The following ASAP3 variants were observed in gnomAD, a reference collection of about 807,000 sequenced individuals.
ASAP3 encodes the protein arf-GAP with SH3 domain, ANK repeat and PH domain-containing protein 3.
A neutral mutation model predicts 118.2 loss-of-function variants in ASAP3; 85 were observed. That is an observed-to-expected ratio of 0.72 (90% confidence interval 0.60 to 0.86). The LOEUF (loss-of-function observed/expected upper bound fraction) is 0.86. Ranked by LOEUF, ASAP3 falls within the 40% of genes least tolerant of loss-of-function variation. ASAP3 has a pLI of 0.00. For missense variants in ASAP3, 1,026 were observed against 1,175.0 expected (o/e 0.87, Z 1.85); for synonymous variants, 432 against 477.4 (o/e 0.90, Z 1.24).
chr1:23,433,680 G>A lies in ASAP3; in HGVS notation c.1965C>T (p.Gly655=), dbSNP rs745979137. 6.8e-6 allele frequency: 11 copies of A among 1,614,062 alleles called. No homozygotes were observed. The highest frequency in any genetic ancestry group is 6.7e-5 in the African/African-American group (5 of 74,928). Residue 655 remains glycine, a synonymous_variant, in exon 20 of 25, where the codon GGC becomes GGT. Coordinates refer to ENST00000336689, the MANE Select transcript of ASAP3 (RefSeq NM_017707.4). Reference sequence around the variant, plus strand: ...TCCTGGCTATGTCCAGAGCTGTCTCGCCTGCTTCATTTACTGTGAGCGGGG... The same window carrying A: ...TCCTGGCTATGTCCAGAGCTGTCTCACCTGCTTCATTTACTGTGAGCGGGG... ...RALVGTVNEA[G]ETALDIARKK...
At chr1:23,430,259 C>A (rs764559884) in intron 24 of ASAP3, among the ~76,000 whole-genome samples, 1 of 152,164 alleles carries the variant, frequency 6.6e-6, no homozygotes, top group Non-Finnish European at 1.5e-5. Flanking sequence ...GATGACGATT[C>A]CCCAGACAGA....
At chr1:23,464,665 A>T (rs1300686163) in intron 1 of ASAP3, among the ~76,000 whole-genome samples, 4 of 24,092 alleles carry the variant, frequency 1.7e-4, no homozygotes, top group Non-Finnish European at 8.8e-4. Flanking sequence ...GTCTTAAAAA[A>T]AAAAAAAAAA....
chr1:23,431,770 C>A lies in ASAP3; in HGVS notation c.2472G>T (p.Glu824Asp). ...GGCTGGGTCTGGAGGTGCCTGGGGGCTCTCGGAGGCCCTCTTCAGAGTTGG... is the reference window on the plus strand; with the variant it reads ...GGCTGGGTCTGGAGGTGCCTGGGGGATCTCGGAGGCCCTCTTCAGAGTTGG... ...APPNSEEGLR[E>D]PPGTSRPSLT... The change falls in exon 23 of 25, where the codon GAG becomes GAT. Residue 824 changes from glutamate (E) to aspartate (D), a missense_variant. Physicochemically the swap from Glu to Asp is conservative, Grantham distance 45. Transcript: ENST00000336689. The A allele has an allele frequency of 6.5e-7, 1 of 1,527,148 alleles. No individual in the cohort carries two copies. Among genetic ancestry groups the A allele is most frequent in the African/African-American group, 1.4e-5 (1 of 70,670 alleles). 94.6% of individuals were successfully genotyped at this position (1,527,148 alleles called of 1,614,324 possible).
upstream of ASAP3, chr1:23,484,240 C>T (rs528918412): frequency 2.6e-4 from 276 of 1,073,064 alleles, no homozygotes; most frequent in African/African-American, 3.7e-3. Context: ...GGCCTCCACA[C>T]GCCCCGCCCC....
intron 1 of ASAP3, among the ~76,000 whole-genome samples, chr1:23,460,557 A>G (rs1641554288): frequency 6.6e-6 from 1 of 151,956 alleles, no homozygotes; most frequent in African/African-American, 2.4e-5. Flanking sequence ...ACACAAATAA[A>G]TAAATAAATA....
intron 7 of ASAP3, among the ~76,000 whole-genome samples, chr1:23,441,933 T>G (rs2148618029): frequency 6.6e-6 from 1 of 152,222 alleles, no homozygotes. Flanking sequence ...TCTTGGAAAA[T>G]AAGCCTCAGT....
At chr1:23,432,298 C>T (rs1400988166) in intron 22 of ASAP3, among the ~76,000 whole-genome samples, 1 of 152,214 alleles carries the variant, frequency 6.6e-6, no homozygotes, top group East Asian at 1.9e-4. Flanking sequence ...CGAGCCACCA[C>T]ATCTGGCCTA....
At position 23,481,760 on chromosome 1, in the gene ASAP3, A is replaced by T. The variant is rs533775309; in HGVS notation, c.129+2245T>A. Among the ~76,000 whole-genome samples, 48 of 152,348 alleles carry T rather than the reference A, an allele frequency of 3.2e-4. 1 individual carries two copies. Among genetic ancestry groups the T allele is most frequent in the Middle Eastern group, 3.4e-3 (1 of 294 alleles). On this transcript the variant is annotated intron_variant, in intron 1 of 24. Coordinates refer to ENST00000336689, the MANE Select transcript of ASAP3 (RefSeq NM_017707.4). ...CACTTACACAGCCAGGCAAGGCCAG[A>T]TGTATGGGCATAAATGGGCATTTCT... is the stretch of plus-strand genomic sequence containing the variant.
Position 23,438,779 on chromosome 1 carries a change from G to A in ASAP3, c.1070C>T (p.Pro357Leu), listed in dbSNP as rs947451884. ...TLLTCQVRPN[P>L]EEKKCFDLVT... Reference sequence around the variant, plus strand: ...CAGGTCGAAGCACTTTTTCTCCTCAGGGTTTGGCCTCACTTGGCACGTCAG... The same window carrying A: ...CAGGTCGAAGCACTTTTTCTCCTCAAGGTTTGGCCTCACTTGGCACGTCAG... The change falls in exon 12 of 25, where the codon CCT (proline) becomes CTT (leucine). Residue 357 changes from proline to leucine, a missense_variant. Coordinates refer to ENST00000336689, the MANE Select transcript of ASAP3 (RefSeq NM_017707.4). This position sits in a 1 kb window ranked among gnomAD's most constrained non-coding sequence, Gnocchi z 4.9. The A allele has an allele frequency of 9.3e-6, 15 of 1,614,076 alleles. No individual in the cohort carries two copies. Among genetic ancestry groups the A allele is most frequent in the Non-Finnish European group, 1.1e-5 (13 of 1,180,038 alleles).
At chr1:23,445,617 T>C (rs1641024472) in intron 5 of ASAP3, among the ~76,000 whole-genome samples, 1 of 152,084 alleles carries the variant, frequency 6.6e-6, no homozygotes, top group African/African-American at 2.4e-5. Context: ...TAAATGTCCA[T>C]CAGTAGGAAG....
rs1297800172 is a variant in ASAP3, at chr1:23,437,265, C to T, written c.1207G>A (p.Gly403Arg). ...GACCCCGGGCCAGCGCTGGGCTCCC[C>T]GAGGAAGGCGCTGCTCAGGGCTTCG... ...KDEALSSAFL[G>R]EPSAGPGSWG... The change falls in exon 14 of 25, where the codon GGG becomes AGG. Residue 403 changes from glycine (G) to arginine (R), a missense_variant. Gly to Arg is a moderately radical substitution (Grantham distance 125, BLOSUM62 -2). Transcript: ENST00000336689. The surrounding 1 kb of genome is among the most constrained non-coding windows in gnomAD (Gnocchi z 6.1). 6.3e-7 allele frequency: 1 copy of T among 1,595,774 alleles called. No individual in the cohort carries two copies. Among genetic ancestry groups the T allele is most frequent in the South Asian group, 1.1e-5 (1 of 89,208 alleles).
intron 3 of ASAP3, among the ~76,000 whole-genome samples, chr1:23,455,609 T>C (rs1174807777): frequency 6.6e-6 from 1 of 152,100 alleles, no homozygotes; most frequent in Non-Finnish European, 1.5e-5. Flanking sequence ...AACCCTCCCT[T>C]GCACGGGGCT....
At chr1:23,449,071 G>A (rs1641133588) in intron 5 of ASAP3, among the ~76,000 whole-genome samples, 1 of 151,972 alleles carries the variant, frequency 6.6e-6, no homozygotes, top group Non-Finnish European at 1.5e-5. Context: ...CTCAGAACAG[G>A]GACCATTTTA....
chr1:23,436,700 G>A lies in ASAP3; in HGVS notation c.1477-46C>T. 4 of 1,609,648 alleles carry A rather than the reference G, an allele frequency of 2.5e-6. No individual in the cohort carries two copies. Among genetic ancestry groups the A allele is most frequent in the Non-Finnish European group, 3.4e-6 (4 of 1,176,050 alleles). On this transcript the variant is annotated intron_variant, in intron 15 of 24. Coordinates refer to ENST00000336689, the MANE Select transcript of ASAP3 (RefSeq NM_017707.4). This position sits in a 1 kb window ranked among gnomAD's most constrained non-coding sequence, Gnocchi z 4.2. ...ACGTGGGGCGGAGTAAGACCGGGCGGTTAAGCCTGCATAGGGTGGAGCTCC... is the reference window on the plus strand; with the variant it reads ...ACGTGGGGCGGAGTAAGACCGGGCGATTAAGCCTGCATAGGGTGGAGCTCC...
At position 23,436,071 on chromosome 1, in the gene ASAP3, TGCCCAGCTGATCCCTGGG is replaced by T; in HGVS notation, c.1572-61_1572-44del. 6.2e-7 allele frequency: 1 copy of T among 1,604,558 alleles called. No individual in the cohort carries two copies. Among genetic ancestry groups the T allele is most frequent in the Non-Finnish European group, 8.5e-7 (1 of 1,172,018 alleles). ...AGGATCTCAGAGCATGGACCGTGTC[TGCCCAGCTGATCCCTGGG>T]GCCCTCCCACAGGAGATACAGCTCT... On this transcript the variant is annotated intron_variant, in intron 16 of 24. Coordinates refer to ENST00000336689, the MANE Select transcript of ASAP3 (RefSeq NM_017707.4). The surrounding 1 kb of genome is among the most constrained non-coding windows in gnomAD (Gnocchi z 4.2).
In ASAP3 at chr1:23,473,974, C is replaced by CTTTTTTTTTTTTTTT. The variant is rs10664798; in HGVS notation, c.129+10016_129+10030dup. ...AGGCGAAAATGGCATTAAATCTGCT[C>CTTTTTTTTTTTTTTT]TTTTTTTTTTTTTTTTTTTTTTTTG... is the stretch of plus-strand genomic sequence containing the variant. On this transcript the variant is annotated intron_variant, in intron 1 of 24. Coordinates refer to ENST00000336689, the MANE Select transcript of ASAP3 (RefSeq NM_017707.4). Among the ~76,000 whole-genome samples the CTTTTTTTTTTTTTTT allele has an allele frequency of 8.5e-4, 61 of 72,108 alleles. 8 individuals carry two copies. The highest frequency in any genetic ancestry group is 4.0e-3 in the African/African-American group (59 of 14,714). The allele number at this position is 72,108 out of a possible 152,430, so 47.3% of individuals were successfully genotyped here. A position where few individuals can be genotyped will look rare whatever the true frequency, so the allele number is the denominator to read the frequency against.
In ASAP3 at chr1:23,429,546, C is replaced by T. The variant is rs1558096175; in HGVS notation, c.*310G>A. On this transcript the variant is annotated 3_prime_UTR_variant, in exon 25 of 25. Transcript: ENST00000336689. ...CAGACTGACGGGGGAAATAGAGTCTCGATCTGATGAGGGACTGAGAGTTCT... is the reference window on the plus strand; with the variant it reads ...CAGACTGACGGGGGAAATAGAGTCTTGATCTGATGAGGGACTGAGAGTTCT... 4.3e-6 allele frequency: 1 copy of T among 231,618 alleles called. No individual in the cohort carries two copies. Among genetic ancestry groups the T allele is most frequent in the Non-Finnish European group, 8.5e-6 (1 of 118,152 alleles). 14.3% of individuals were successfully genotyped at this position (231,618 alleles called of 1,614,324 possible).
chr1:23,476,066 C>T (rs1468851337), intron 1 of ASAP3, among the ~76,000 whole-genome samples: 1 of 152,184 alleles, frequency 6.6e-6, no homozygotes, highest in Non-Finnish European at 1.5e-5. Flanking sequence ...AAATTTAAGG[C>T]CGGGCACAGT....
rs1403143732 is a variant in ASAP3, at chr1:23,438,670, G to GC, written c.1102+76dup. 3.7e-6 allele frequency: 5 copies of GC among 1,344,240 alleles called. No individual in the cohort carries two copies. The highest frequency in any genetic ancestry group is 2.1e-4 in the Middle Eastern group (1 of 4,862). 83.3% of individuals were successfully genotyped at this position (1,344,240 alleles called of 1,614,324 possible). ...AACTGGACACAGACCCCTCACTGAA[G>GC]CCCCCCGGGAGCTGACAGGTGTCTT... On this transcript the variant is annotated intron_variant, in intron 12 of 24. Transcript: ENST00000336689. This position sits in a 1 kb window ranked among gnomAD's most constrained non-coding sequence, Gnocchi z 4.9.
Sources: allele counts gnomAD v4.1 joint callset (sites outside exome capture counted in the v4.1 genomes callset), GRCh38; gene constraint gnomAD v4.1.1; non-coding constraint Gnocchi (gnomAD v3.1); transcripts MANE v1.5; gene names NCBI Gene and HGNC (gene_info 2026-07-23, HGNC 2026-07-21).